The following CACNA2D3 variants were observed in gnomAD, a reference collection of about 807,000 sequenced individuals.
CACNA2D3 encodes the protein voltage-dependent calcium channel subunit alpha-2/delta-3.
In CACNA2D3, 60 loss-of-function variants were observed where a neutral mutation model predicts 160.6. That is an observed-to-expected ratio of 0.37 (90% CI 0.30 to 0.46). The LOEUF (loss-of-function observed/expected upper bound fraction) is 0.46, where lower values mean the gene tolerates loss of function less well. Ranked by LOEUF, CACNA2D3 falls within the 20% of genes least tolerant of loss-of-function variation. The pLI is 1.00. For missense variants in CACNA2D3, 1,205 were observed against 1,365.0 expected (o/e 0.88, Z 1.85); for synonymous variants, 558 against 492.9 (o/e 1.13, Z -1.75).
At chr3:54,553,822 G>A (rs76348759) in intron 5 of CACNA2D3, among the ~76,000 whole-genome samples, 6,430 of 152,276 alleles carry the variant, frequency 0.042, 181 homozygotes, top group South Asian at 0.1. Context: ...TGAAGTTTCT[G>A]ATTGCCTGTC....
At chr3:54,777,397 C>T (rs1051971053) in intron 13 of CACNA2D3, among the ~76,000 whole-genome samples, 2 of 152,146 alleles carry the variant, frequency 1.3e-5, no homozygotes, top group African/African-American at 2.4e-5. Context: ...TCTTATTAGA[C>T]GTACAGAGCA....
chr3:54,579,804 C>G (rs1423220234), intron 8 of CACNA2D3, among the ~76,000 whole-genome samples: 1 of 152,168 alleles, frequency 6.6e-6, no homozygotes, highest in East Asian at 1.9e-4. Context: ...AGCTGATGTT[C>G]TGTTTGTTGA....
chr3:54,400,496 A>G (rs188554644), intron 4 of CACNA2D3, among the ~76,000 whole-genome samples: 1 of 151,998 alleles, frequency 6.6e-6, no homozygotes, highest in African/African-American at 2.4e-5. Context: ...CTCATCTAAG[A>G]CTCACCATTG....
intron 4 of CACNA2D3, among the ~76,000 whole-genome samples, chr3:54,452,965 C>A (rs1395361485): frequency 1.3e-5 from 2 of 151,510 alleles, no homozygotes; most frequent in Admixed American, 1.3e-4. Context: ...TTCTTTCTTT[C>A]TTTCCCTCTC....
intron 2 of CACNA2D3, among the ~76,000 whole-genome samples, chr3:54,191,045 A>G (rs1700970369): frequency 7.6e-6 from 1 of 132,302 alleles, no homozygotes; most frequent in Non-Finnish European, 1.6e-5. Flanking sequence ...TGTAGGTGGA[A>G]GCAAAAAAAA....
intron 4 of CACNA2D3, among the ~76,000 whole-genome samples, chr3:54,412,861 T>A (rs1699692455): frequency 6.6e-6 from 1 of 151,856 alleles, no homozygotes; most frequent in South Asian, 2.1e-4. Flanking sequence ...TTATATATGT[T>A]ATAAATCTCA....
intron 2 of CACNA2D3, among the ~76,000 whole-genome samples, chr3:54,265,770 G>A (rs896963545): frequency 4.0e-5 from 6 of 149,950 alleles, no homozygotes; most frequent in Non-Finnish European, 7.4e-5. Flanking sequence ...ATTTTGGTAT[G>A]CATATGAAGG....
intron 30 of CACNA2D3, among the ~76,000 whole-genome samples, chr3:54,986,019 G>GTT (rs547887224): frequency 2.0e-4 from 31 of 152,282 alleles, no homozygotes; most frequent in Admixed American, 6.5e-4. Flanking sequence ...TTGGCCTATA[G>GTT]TTATATGCCC....
chr3:54,339,228 A>G (rs1157633028), intron 3 of CACNA2D3, among the ~76,000 whole-genome samples: 2 of 152,096 alleles, frequency 1.3e-5, no homozygotes, highest in Non-Finnish European at 2.9e-5. Flanking sequence ...TCTCTTCTAG[A>G]GTGCCCTTGC....
At chr3:54,675,899 A>T (rs905039419) in intron 11 of CACNA2D3, among the ~76,000 whole-genome samples, 1 of 152,032 alleles carries the variant, frequency 6.6e-6, no homozygotes, top group Non-Finnish European at 1.5e-5. Context: ...CCCTTCCAAG[A>T]TGGTGTCCTC....
chr3:54,821,680 C>CTT (rs1391401233), intron 14 of CACNA2D3, among the ~76,000 whole-genome samples: 3 of 129,920 alleles, frequency 2.3e-5, no homozygotes, highest in African/African-American at 2.8e-5. Flanking sequence ...TTCTTTCTTT[C>CTT]TTTCTTTCTT....
chr3:54,729,583 G>A (rs1303508522), intron 11 of CACNA2D3, among the ~76,000 whole-genome samples: 1 of 152,206 alleles, frequency 6.6e-6, no homozygotes, highest in African/African-American at 2.4e-5. Context: ...GCACAGAAAT[G>A]CCAGCTTTCC....
chr3:54,734,479 G>A (rs900003606), intron 11 of CACNA2D3, among the ~76,000 whole-genome samples: 12 of 152,176 alleles, frequency 7.9e-5, no homozygotes, highest in Non-Finnish European at 1.3e-4. Context: ...GGGCAAAGAT[G>A]TGGGGAAAAG....
chr3:54,664,297 T>C (rs1346953799), intron 11 of CACNA2D3, among the ~76,000 whole-genome samples: 1 of 152,222 alleles, frequency 6.6e-6, no homozygotes, highest in African/African-American at 2.4e-5. Flanking sequence ...GACAGTGGGT[T>C]TACCACCCGT....
intron 11 of CACNA2D3, among the ~76,000 whole-genome samples, chr3:54,735,664 T>G (rs1701481968): frequency 6.6e-6 from 1 of 152,066 alleles, no homozygotes; most frequent in Admixed American, 6.6e-5. Context: ...CATCTGTACT[T>G]AAGACATGCA....
chr3:54,520,408 T>A (rs1701628298), intron 5 of CACNA2D3, among the ~76,000 whole-genome samples: 1 of 152,114 alleles, frequency 6.6e-6, no homozygotes. Context: ...AGTGTATTTG[T>A]CCCAAACAAA....
At position 54,671,026 on chromosome 3, in the gene CACNA2D3, A is replaced by G. The variant is rs987200887; in HGVS notation, c.1167+28785A>G. 7.2e-5 allele frequency among the ~76,000 whole-genome samples: 11 copies of G among 152,176 alleles called. No individual in the cohort carries two copies. The East Asian group carries it at 1.2e-3, about 16-fold the overall frequency. ...ATGTATTTTTTGAGCTAGGAAATCA[A>G]CTTGTCTAGTGGAGGTTTACCAGTT... On this transcript the variant is annotated intron_variant, in intron 11 of 37. Transcript: ENST00000474759.
intron 11 of CACNA2D3, among the ~76,000 whole-genome samples, chr3:54,651,791 A>G (rs781269893): frequency 6.6e-6 from 1 of 151,986 alleles, no homozygotes; most frequent in Non-Finnish European, 1.5e-5. Flanking sequence ...GGCGCCTCTG[A>G]GGGGGTTTTG....
intron 27 of CACNA2D3, among the ~76,000 whole-genome samples, chr3:54,928,669 C>CTGCT (rs750974664): frequency 1.3e-5 from 2 of 152,102 alleles, no homozygotes; most frequent in African/African-American, 2.4e-5. Flanking sequence ...AACTTCTCAG[C>CTGCT]TGCTTGCTTG....
Sources: gnomAD v4.1 joint callset for allele counts (sites outside exome capture counted in the v4.1 genomes callset) on GRCh38, gnomAD v4.1.1 for gene constraint, MANE v1.5 for transcripts, NCBI Gene and HGNC (gene_info 2026-07-23, HGNC 2026-07-21) for gene names.